MLX: variants seen among roughly 807,000 people sequenced by gnomAD.
MLX encodes the protein MAX dimerization protein MLX.
In MLX, 15 loss-of-function variants were observed where a neutral mutation model predicts 33.0. The observed-to-expected ratio is 0.45, with a 90% CI of 0.30 to 0.70. The LOEUF is 0.70. Ranked by LOEUF, MLX falls within the 30% of genes least tolerant of loss-of-function variation. The probability of loss-of-function intolerance (pLI) is 0.07; values close to 1 mark genes in which losing one functional copy is unlikely to be tolerated. For missense variants in MLX, 285 were observed against 306.3 expected, an observed-to-expected ratio of 0.93 and a Z score of 0.52; for synonymous variants, 115 against 115.6, an observed-to-expected ratio of 0.99 and a Z score of 0.03.
intron 6 of MLX, 168 bp downstream of exon 6, chr17:42,569,774 C>A: frequency 1.4e-6 from 1 of 718,896 alleles, no homozygotes; most frequent in Non-Finnish European, 2.4e-6. Context: ...ATGGCAGACA[C>A]TCAGGAAATG....
chr17:42,571,921 C>G lies in MLX; in HGVS notation c.*318C>G, dbSNP rs2093034942. ...GCTCCTGCCCTCTCAGCCCTTTATT[C>G]AAGCCTCAGATTTCTGCTCATGATC... On this transcript the variant is annotated 3_prime_UTR_variant, in exon 8 of 8. Coordinates refer to ENST00000435881, the MANE Select transcript of MLX (RefSeq NM_198204.2). 3 of 361,438 alleles carry G rather than the reference C, an allele frequency of 8.3e-6. No individual in the cohort carries two copies. Among genetic ancestry groups the G allele is most frequent in the South Asian group, 6.6e-5 (2 of 30,294 alleles). The allele number at this position is 361,438 out of a possible 1,614,324, so 22.4% of individuals were successfully genotyped here.
chr17:42,568,051 G>T, intron 2 of MLX: 1 of 264,834 alleles, frequency 3.8e-6, no homozygotes, highest in South Asian at 5.7e-5. Flanking sequence ...TTGAAGGGAA[G>T]AGGTCAGCAT....
intron 5 of MLX, 34 bp from the exon 6 acceptor site, chr17:42,569,473 T>C (rs768019318): frequency 1.3e-6 from 2 of 1,576,942 alleles, no homozygotes; most frequent in Non-Finnish European, 8.7e-7. Context: ...AGAATACTTC[T>C]GTACCTGTCC....
chr17:42,568,976 G>A (rs1487761395), intron 4 of MLX, 33 bp downstream of exon 4: 3 of 1,575,932 alleles, frequency 1.9e-6, no homozygotes, highest in Non-Finnish European at 2.6e-6. Context: ...CAGCCAGTGC[G>A]GGAGGGCCCT....
At chr17:42,568,693 T>C in intron 3 of MLX, 134 bp downstream of exon 3, 1 of 1,072,226 alleles carries the variant, frequency 9.3e-7, no homozygotes, top group Non-Finnish European at 1.4e-6. Flanking sequence ...GGTCTCACCA[T>C]CTTTCACCTC....
rs1030905442 is a variant in MLX, at chr17:42,571,653, T to C, written c.*50T>C. The C allele has an allele frequency of 2.6e-6, 4 of 1,566,884 alleles. No homozygotes were observed. Among genetic ancestry groups the C allele is most frequent in the African/African-American group, 2.7e-5 (2 of 74,064 alleles). On this transcript the variant is annotated 3_prime_UTR_variant, in exon 8 of 8. Coordinates refer to ENST00000435881, the MANE Select transcript of MLX (RefSeq NM_198204.2). ...AGCCAACAAGAGGCCCTTGAATCTC[T>C]ACGTGGCCACTGAACTGCTGGGCCC...
Position 42,571,529 on chromosome 17 carries a change from C to T in MLX, c.679-18C>T, listed in dbSNP as rs747799939. 5 of 1,613,914 alleles carry T rather than the reference C, an allele frequency of 3.1e-6. No homozygotes were observed. The highest frequency in any genetic ancestry group is 4.2e-6 in the Non-Finnish European group (5 of 1,179,790). ...TGACTTGGGCATTGTCTATTTCTTCCTCTGCTGCCCTCGCCAGACCCTGCG... is the reference window on the plus strand; with the variant it reads ...TGACTTGGGCATTGTCTATTTCTTCTTCTGCTGCCCTCGCCAGACCCTGCG... On this transcript the variant is annotated intron_variant, in intron 7 of 7. Transcript: ENST00000435881.
chr17:42,568,431 C>T (rs192731591), intron 2 of MLX, 39 bp from the exon 3 acceptor site: 2 of 1,475,260 alleles, frequency 1.4e-6, no homozygotes, highest in East Asian at 2.3e-5. Flanking sequence ...GCAATGTTCC[C>T]CACCCCACCC....
intron 7 of MLX, 45 bp downstream of exon 7, chr17:42,570,228 T>G (rs751892074): frequency 1.3e-6 from 2 of 1,588,996 alleles, no homozygotes; most frequent in Admixed American, 3.4e-5. Flanking sequence ...TTCTCTACCA[T>G]CAAGCAAAGT....
At position 42,573,053 on chromosome 17, in the gene MLX, A is replaced by G. The variant is rs374180443; in HGVS notation, c.*1450A>G. ...TGAGACAGGGAGACAAGTGAATGAG[A>G]TGTCACCAGGATAAGACCACAGGGA... On this transcript the variant is annotated 3_prime_UTR_variant, in exon 8 of 8. Transcript: ENST00000435881. The G allele has an allele frequency of 2.8e-5, 46 of 1,614,054 alleles. No homozygotes were observed. Among genetic ancestry groups the G allele is most frequent in the Non-Finnish European group, 4.2e-6 (5 of 1,179,982 alleles).
chr17:42,569,777 A>C (rs1385521334), intron 6 of MLX, 171 bp downstream of exon 6: 1 of 715,944 alleles, frequency 1.4e-6, no homozygotes, highest in African/African-American at 1.8e-5. Context: ...GCAGACACTC[A>C]GGAAATGCCT....
rs529047323 is a variant in MLX at position 42,571,846 on chromosome 17, C to G, written c.*243C>G. ...ACTCAAACCTACCCAGCCTTCCCCC[C>G]ACTCCATGGAAGTCCTTGGGATGGG... On this transcript the variant is annotated 3_prime_UTR_variant, in exon 8 of 8. Transcript: ENST00000435881. 15 of 532,024 alleles carry G rather than the reference C, an allele frequency of 2.8e-5. No homozygotes were observed. Among genetic ancestry groups the G allele is most frequent in the African/African-American group, 2.3e-4 (12 of 52,210 alleles). The allele number at this position is 532,024 out of a possible 1,614,324, so 33.0% of individuals were successfully genotyped here. A position where few individuals can be genotyped will look rare whatever the true frequency, so the allele number is the denominator to read the frequency against.
chr17:42,567,381 GGTGGA>G, intron 1 of MLX: 2 of 1,412,766 alleles, frequency 1.4e-6, no homozygotes, highest in Non-Finnish European at 1.9e-6. Context: ...GGGGCACTGG[GGTGGA>G]GTAGGGGCGG....
rs1417002147 is a variant in MLX at position 42,572,644 on chromosome 17, T to TGCCAG, written c.*1041_*1042insGCCAG. The TGCCAG allele has an allele frequency of 2.4e-6, 1 of 413,532 alleles. No individual in the cohort carries two copies. The highest frequency in any genetic ancestry group is 2.0e-5 in the African/African-American group (1 of 48,858). 25.6% of individuals were successfully genotyped at this position (413,532 alleles called of 1,614,324 possible). On this transcript the variant is annotated 3_prime_UTR_variant, in exon 8 of 8. Transcript: ENST00000435881. ...AGGTTTGATATCTGGCAGGTTTGAC[T>TGCCAG]ATCCAGAGGAAATTAAATATTTTTA...
chr17:42,572,722 C>T lies in MLX; in HGVS notation c.*1119C>T, dbSNP rs1328792601. 2 of 618,998 alleles carry T rather than the reference C, an allele frequency of 3.2e-6. No homozygotes were observed. The highest frequency in any genetic ancestry group is 3.0e-5 in the South Asian group (2 of 65,990). The allele number at this position is 618,998 out of a possible 1,614,324, so 38.3% of individuals were successfully genotyped here. ...CCAAATGCTTTCCTTTAGCATTGTTCCAAGTCTAAATGTTAACCTCAAGCT... is the reference window on the plus strand; with the variant it reads ...CCAAATGCTTTCCTTTAGCATTGTTTCAAGTCTAAATGTTAACCTCAAGCT... On this transcript the variant is annotated 3_prime_UTR_variant, in exon 8 of 8. Transcript: ENST00000435881.
Position 42,572,013 on chromosome 17 carries a change from G to A in MLX, c.*410G>A. 1 of 255,064 alleles carries A rather than the reference G, an allele frequency of 3.9e-6. No homozygotes were observed. The highest frequency in any genetic ancestry group is 7.6e-6 in the Non-Finnish European group (1 of 131,690). The allele number at this position is 255,064 out of a possible 1,614,324, so 15.8% of individuals were successfully genotyped here. ...GGGCAACATTTTTGGCCCAAGTTTG[G>A]GCAACATTTGGCCCAAGTTTGGGCA... On this transcript the variant is annotated 3_prime_UTR_variant, in exon 8 of 8. Transcript: ENST00000435881.
Position 42,570,163 on chromosome 17 carries a change from G to A in MLX, c.658G>A (p.Glu220Lys). 1 of 1,613,854 alleles carries A rather than the reference G, an allele frequency of 6.2e-7. No homozygotes were observed. The highest frequency in any genetic ancestry group is 8.5e-7 in the Non-Finnish European group (1 of 1,180,032). The change falls in exon 7 of 8, where the codon GAG becomes AAG. Residue 220 changes from glutamate (E) to lysine (K), a missense_variant. Physicochemically the swap from Glu to Lys is moderately conservative, Grantham distance 56. Coordinates refer to ENST00000435881, the MANE Select transcript of MLX (RefSeq NM_198204.2). ...ELSACVFSWI[E>K]EHCKPQTLRE... ...GTCAGCGTGTGTCTTCAGCTGGATC[G>A]AGGAGCACTGTAAGCCTCAGGTATG...
At chr17:42,567,833 C>A in intron 2 of MLX, 178 bp downstream of exon 2, 2 of 724,936 alleles carry the variant, frequency 2.8e-6, no homozygotes, top group South Asian at 1.8e-5. Context: ...ACACCTAGTT[C>A]CCTCTGCTCT....
chr17:42,570,208 G>A lies in MLX; in HGVS notation c.678+25G>A, dbSNP rs766176007. 2.5e-6 allele frequency: 4 copies of A among 1,610,186 alleles called. No individual in the cohort carries two copies. In the South Asian group the frequency reaches 3.3e-5, roughly 13 times the overall value. Reference sequence around the variant, plus strand: ...GGTATGGGGCAACAATAGGCACAGGGTCTGCGGTTTTCTCTACCATCAAGC... The same window carrying A: ...GGTATGGGGCAACAATAGGCACAGGATCTGCGGTTTTCTCTACCATCAAGC... On this transcript the variant is annotated intron_variant, in intron 7 of 7. Transcript: ENST00000435881.
Sources: allele counts gnomAD v4.1 joint callset, GRCh38; gene constraint gnomAD v4.1.1; transcripts MANE v1.5; gene names NCBI Gene and HGNC (gene_info 2026-07-23, HGNC 2026-07-21).